The following CDK14 variants were observed in gnomAD, a reference collection of about 807,000 sequenced individuals.
CDK14 encodes the protein cyclin-dependent kinase 14.
Under a neutral mutation model 60.7 loss-of-function variants are expected in CDK14, and 34 were observed. That is an observed-to-expected ratio of 0.56 (90% confidence interval 0.43 to 0.75). The LOEUF (loss-of-function observed/expected upper bound fraction) is 0.75. Ranked by LOEUF, CDK14 falls within the 30% of genes least tolerant of loss-of-function variation. The pLI is 0.00. For missense variants in CDK14, 482 were observed against 564.1 expected, an observed-to-expected ratio of 0.85 and a Z score of 1.47; for synonymous variants, 197 against 203.7, an observed-to-expected ratio of 0.97 and a Z score of 0.28.
intron 14 of CDK14, among the ~76,000 whole-genome samples, chr7:91,187,027 G>T (rs1802212487): frequency 1.3e-5 from 2 of 152,286 alleles, no homozygotes; most frequent in South Asian, 2.1e-4. Context: ...CAGTGGTTGA[G>T]AATAGTTAAA....
At chr7:90,660,330 A>C (rs1425646749) in intron 2 of CDK14, among the ~76,000 whole-genome samples, 3 of 152,134 alleles carry the variant, frequency 2.0e-5, no homozygotes, top group Non-Finnish European at 4.4e-5. Flanking sequence ...TACTAACTCA[A>C]ATATTGGCTC....
intron 10 of CDK14, among the ~76,000 whole-genome samples, chr7:91,004,678 A>G (rs980048409): frequency 5.3e-5 from 8 of 152,326 alleles, no homozygotes; most frequent in Admixed American, 2.6e-4. Flanking sequence ...TGAAGCGGTG[A>G]GTAGCGTGCA....
intron 6 of CDK14, among the ~76,000 whole-genome samples, chr7:90,863,668 A>AT (rs549142223): frequency 0.011 from 558 of 48,900 alleles, 4 homozygotes; most frequent in Non-Finnish European, 0.014. Flanking sequence ...GCTTATTAAG[A>AT]TATGTGTGTG....
intron 12 of CDK14, among the ~76,000 whole-genome samples, chr7:91,091,507 A>ATATATATATATATATATATATATATATG (rs1345059804): frequency 7.3e-6 from 1 of 137,458 alleles, no homozygotes; most frequent in African/African-American, 2.9e-5. Context: ...TATTTTATAT[A>ATATATATATATATATATATATATATATG]TATATATATA....
chr7:90,660,584 A>C (rs1240869355), intron 2 of CDK14, among the ~76,000 whole-genome samples: 1 of 152,250 alleles, frequency 6.6e-6, no homozygotes, highest in Non-Finnish European at 1.5e-5. Flanking sequence ...TTCTGGTGTC[A>C]AAATGTGACG....
At chr7:90,747,611 C>A in intron 3 of CDK14, 70 bp from the exon 4 acceptor site, 1 of 845,548 alleles carries the variant, frequency 1.2e-6, no homozygotes, top group Non-Finnish European at 1.9e-6. Context: ...ACATTTTTAG[C>A]AAAATCAGGG....
chr7:90,697,157 C>T (rs1051711917), intron 2 of CDK14, among the ~76,000 whole-genome samples: 4 of 152,244 alleles, frequency 2.6e-5, no homozygotes, highest in Middle Eastern at 6.8e-3. Context: ...AATGGAGTAG[C>T]AGCTGAGAGC....
At chr7:90,871,097 T>C (rs931884360) in intron 6 of CDK14, among the ~76,000 whole-genome samples, 3 of 152,148 alleles carry the variant, frequency 2.0e-5, no homozygotes, top group Admixed American at 2.0e-4. Flanking sequence ...TTGTCCTTGT[T>C]CTATTTGATA....
At chr7:91,188,934 G>A (rs1473083400) in intron 14 of CDK14, among the ~76,000 whole-genome samples, 1 of 151,850 alleles carries the variant, frequency 6.6e-6, no homozygotes. Flanking sequence ...CCAAAAGCGT[G>A]TTGTTGTTTT....
At chr7:90,975,241 G>C (rs772063636) in intron 9 of CDK14, among the ~76,000 whole-genome samples, 10 of 151,798 alleles carry the variant, frequency 6.6e-5, no homozygotes, top group Non-Finnish European at 1.3e-4. Flanking sequence ...CCCTACCCTT[G>C]CCCCAAATAT....
chr7:90,807,832 A>T (rs1350681215), intron 5 of CDK14, among the ~76,000 whole-genome samples: 2 of 152,238 alleles, frequency 1.3e-5, no homozygotes, highest in African/African-American at 4.8e-5. Flanking sequence ...AAGCCTCAGT[A>T]GCCAATTCGA....
At chr7:90,991,014 G>A (rs906886975) in intron 10 of CDK14, among the ~76,000 whole-genome samples, 1 of 152,114 alleles carries the variant, frequency 6.6e-6, no homozygotes, top group African/African-American at 2.4e-5. Context: ...CAGGAAACCA[G>A]GTCAGAAAGA....
intron 9 of CDK14, among the ~76,000 whole-genome samples, chr7:90,956,351 G>A (rs138543708): frequency 5.3e-4 from 80 of 152,142 alleles, no homozygotes; most frequent in Non-Finnish European, 1.1e-3. Flanking sequence ...AAATGCTTTA[G>A]CAAAGCTTAA....
At chr7:90,910,535 G>T (rs906727096) in intron 7 of CDK14, among the ~76,000 whole-genome samples, 7 of 152,092 alleles carry the variant, frequency 4.6e-5, no homozygotes, top group African/African-American at 1.7e-4. Flanking sequence ...GTTAAATATG[G>T]AACATACTAT....
At chr7:90,717,439 G>C (rs1802287832) in intron 2 of CDK14, among the ~76,000 whole-genome samples, 1 of 152,094 alleles carries the variant, frequency 6.6e-6, no homozygotes, top group Non-Finnish European at 1.5e-5. Context: ...TACAGTCACT[G>C]AAGCAGCGTA....
At chr7:91,077,310 G>A (rs73399001) in intron 11 of CDK14, among the ~76,000 whole-genome samples, 19,466 of 152,066 alleles carry the variant, frequency 0.13, 2,549 homozygotes, top group African/African-American at 0.34. Context: ...GGAATACTAC[G>A]TAGCCATAAA....
intron 2 of CDK14, among the ~76,000 whole-genome samples, chr7:90,686,705 A>T (rs1180056342): frequency 6.6e-6 from 1 of 152,132 alleles, no homozygotes. Context: ...ATGAAATAGG[A>T]GTATTTCTGT....
At chr7:91,059,340 CT>C (rs1276843621) in intron 11 of CDK14, among the ~76,000 whole-genome samples, 1 of 152,030 alleles carries the variant, frequency 6.6e-6, no homozygotes, top group Non-Finnish European at 1.5e-5. Context: ...TTTTGTTGAT[CT>C]TTTCAAAAAA....
intron 12 of CDK14, among the ~76,000 whole-genome samples, chr7:91,080,307 T>C (rs1477915492): frequency 6.6e-6 from 1 of 152,224 alleles, no homozygotes; most frequent in Non-Finnish European, 1.5e-5. Flanking sequence ...AAAAACTTTT[T>C]CATATTAAAA....
Sources: gnomAD v4.1 joint callset for allele counts (sites outside exome capture counted in the v4.1 genomes callset) on GRCh38, gnomAD v4.1.1 for gene constraint, MANE v1.5 for transcripts, NCBI Gene and HGNC (gene_info 2026-07-23, HGNC 2026-07-21) for gene names.